ANP32A: variants seen among roughly 807,000 people sequenced by gnomAD.
ANP32A encodes acidic leucine-rich nuclear phosphoprotein 32 family member A.
A neutral mutation model predicts 33.9 loss-of-function variants in ANP32A; 1 was observed. The ratio of observed to expected loss-of-function variants is 0.03; its 90% CI spans 0.01 to 0.14. The LOEUF (loss-of-function observed/expected upper bound fraction) is 0.14. Among genes scored for constraint, ANP32A ranks in the 10% least tolerant of loss-of-function variants. The pLI, the probability that ANP32A is intolerant of heterozygous loss-of-function variation, is 1.00. For synonymous variants in ANP32A, 115 were observed against 120.5 expected, an observed-to-expected ratio of 0.95 and a Z score of 0.30; for missense variants, 155 against 306.0, an observed-to-expected ratio of 0.51 and a Z score of 3.68.
chr15:68,803,246 G>C (rs1323008143), intron 1 of ANP32A, among the ~76,000 whole-genome samples: 1 of 152,132 alleles, frequency 6.6e-6, no homozygotes, highest in East Asian at 1.9e-4. Context: ...AGGTAAAAAA[G>C]ATAATGCTTG....
chr15:68,805,979 T>C (rs938871320), intron 1 of ANP32A, among the ~76,000 whole-genome samples: 2 of 152,140 alleles, frequency 1.3e-5, no homozygotes, highest in Admixed American at 6.5e-5. Context: ...GTGTGTGGAA[T>C]GAATGAATGA....
intron 4 of ANP32A, among the ~76,000 whole-genome samples, chr15:68,783,764 A>T (rs1893898807): frequency 2.0e-5 from 3 of 152,100 alleles, no homozygotes. Context: ...TACACACCAC[A>T]CTGCCAGGGA....
intron 1 of ANP32A, among the ~76,000 whole-genome samples, chr15:68,817,184 C>CA (rs1894394024): frequency 1.3e-5 from 2 of 152,344 alleles, no homozygotes; most frequent in South Asian, 4.1e-4. Context: ...GCTCCTAAGT[C>CA]AACATCCGGA....
At chr15:68,805,293 G>T (rs778227773) in intron 1 of ANP32A, among the ~76,000 whole-genome samples, 9 of 152,226 alleles carry the variant, frequency 5.9e-5, no homozygotes, top group Non-Finnish European at 1.0e-4. Context: ...AAATTGGGCG[G>T]TGTCTCCGCC....
chr15:68,793,522 G>T (rs149804003), intron 1 of ANP32A, among the ~76,000 whole-genome samples: 1 of 152,110 alleles, frequency 6.6e-6, no homozygotes, highest in Non-Finnish European at 1.5e-5. Context: ...CAAGGTCGGG[G>T]TCCTTGCCAG....
intron 5 of ANP32A, among the ~76,000 whole-genome samples, chr15:68,781,867 G>A (rs1191372993): frequency 1.3e-5 from 2 of 152,206 alleles, no homozygotes; most frequent in Non-Finnish European, 2.9e-5. Flanking sequence ...GCCTCCCAAA[G>A]TGCTAGGATT....
chr15:68,787,170 G>T (rs148252785), intron 3 of ANP32A: 36 of 501,926 alleles, frequency 7.2e-5, no homozygotes, highest in Non-Finnish European at 1.0e-4. Flanking sequence ...TGAAACTAGG[G>T]TTCTACGCTA....
chr15:68,783,900 T>A (rs1003325106), intron 4 of ANP32A, among the ~76,000 whole-genome samples: 1 of 152,152 alleles, frequency 6.6e-6, no homozygotes, highest in East Asian at 1.9e-4. Context: ...CCTCTAGCTC[T>A]GGACCTCCTC....
At chr15:68,803,233 A>G (rs1894163120) in intron 1 of ANP32A, among the ~76,000 whole-genome samples, 1 of 152,154 alleles carries the variant, frequency 6.6e-6, no homozygotes. Flanking sequence ...GGGGTGTTTT[A>G]AAAGGTAAAA....
chr15:68,780,387 T>C lies in ANP32A; in HGVS notation c.688+23A>G, dbSNP rs755161409. 28 of 1,613,962 alleles carry C rather than the reference T, an allele frequency of 1.7e-5. No individual in the cohort carries two copies. Among genetic ancestry groups the C allele is most frequent in the African/African-American group, 2.7e-5 (2 of 75,032 alleles). On this transcript the variant is annotated intron_variant, in intron 6 of 6. Coordinates refer to ENST00000465139, the MANE Select transcript of ANP32A (RefSeq NM_006305.4). This position sits in a 1 kb window ranked among gnomAD's most constrained non-coding sequence, Gnocchi z 4.3. ...GTGAAAGGGCCAGGCTGCTACCAGC[T>C]GAGAGTAAAAAGGCTGCCATACCAC...
chr15:68,783,682 G>A (rs1893897697), intron 4 of ANP32A, among the ~76,000 whole-genome samples: 1 of 152,204 alleles, frequency 6.6e-6, no homozygotes, highest in African/African-American at 2.4e-5. Context: ...GCTGCACTGT[G>A]CTGGTGGCAA....
chr15:68,801,433 T>C (rs1468265751), intron 1 of ANP32A, among the ~76,000 whole-genome samples: 2 of 152,058 alleles, frequency 1.3e-5, no homozygotes, highest in Non-Finnish European at 2.9e-5. Flanking sequence ...CTGTGTGGCT[T>C]TGGACAAGAC....
chr15:68,783,340 G>A (rs1390355598), intron 4 of ANP32A, among the ~76,000 whole-genome samples: 1 of 152,038 alleles, frequency 6.6e-6, no homozygotes, highest in Non-Finnish European at 1.5e-5. Flanking sequence ...TCAGAGCACA[G>A]CAACAGGTTC....
At chr15:68,807,665 C>A (rs554636993) in intron 1 of ANP32A, among the ~76,000 whole-genome samples, 1 of 152,226 alleles carries the variant, frequency 6.6e-6, no homozygotes, top group East Asian at 1.9e-4. Context: ...ACAACCCATA[C>A]CTGGCATAAA....
chr15:68,807,427 C>CA (rs1555424018), intron 1 of ANP32A, among the ~76,000 whole-genome samples: 1 of 115,494 alleles, frequency 8.7e-6, no homozygotes, highest in Non-Finnish European at 1.8e-5. Context: ...CCACAGAAAA[C>CA]GGGGGGGGGG....
Position 68,784,492 on chromosome 15 carries a change from T to C in ANP32A, c.431A>G (p.Tyr144Cys). The C allele has an allele frequency of 6.2e-7, 1 of 1,614,090 alleles. No individual in the cohort carries two copies. The highest frequency in any genetic ancestry group is 8.5e-7 in the Non-Finnish European group (1 of 1,180,010). Reference sequence around the variant, plus strand: ...GTCGTCCCGGTCATAGCCGTCGAGATATGTGAGTTGCGGGAGGAGCTTGAA... The same window carrying C: ...GTCGTCCCGGTCATAGCCGTCGAGACATGTGAGTTGCGGGAGGAGCTTGAA... ...NVFKLLPQLTYLDGYDRDDKE... is the reference protein window; with the variant it reads ...NVFKLLPQLTCLDGYDRDDKE... Residue 144 changes from tyrosine (Y) to cysteine (C), a missense_variant, in exon 4 of 7, where the codon TAT (tyrosine) becomes TGT (cysteine). Tyr to Cys is a radical substitution (Grantham distance 194). Coordinates refer to ENST00000465139, the MANE Select transcript of ANP32A (RefSeq NM_006305.4).
chr15:68,785,608 C>G (rs1432229816), intron 3 of ANP32A, among the ~76,000 whole-genome samples: 1 of 152,164 alleles, frequency 6.6e-6, no homozygotes, highest in African/African-American at 2.4e-5. Flanking sequence ...GAAGTCTTGA[C>G]AGTGGTCTGT....
chr15:68,803,755 A>C (rs1360586389), intron 1 of ANP32A, among the ~76,000 whole-genome samples: 1 of 151,620 alleles, frequency 6.6e-6, no homozygotes, highest in Non-Finnish European at 1.5e-5. Flanking sequence ...AAATCATTAA[A>C]TCTCACACAT....
Position 68,780,286 on chromosome 15 carries a change from G to A in ANP32A, c.688+124C>T, listed in dbSNP as rs1893850683. On this transcript the variant is annotated intron_variant, in intron 6 of 6. Transcript: ENST00000465139. This position sits in a 1 kb window ranked among gnomAD's most constrained non-coding sequence, Gnocchi z 4.3. ...AGGCAAGACATCTGCACAGCTGGAA[G>A]GGGAATCTGAGGCCTCTGACAGGAG... The A allele has an allele frequency of 6.4e-7, 1 of 1,567,508 alleles. No homozygotes were observed. The highest frequency in any genetic ancestry group is 1.9e-5 in the Admixed American group (1 of 52,042).
Sources: allele counts gnomAD v4.1 joint callset (sites outside exome capture counted in the v4.1 genomes callset), GRCh38; gene constraint gnomAD v4.1.1; non-coding constraint Gnocchi (gnomAD v3.1); transcripts MANE v1.5; gene names NCBI Gene and HGNC (gene_info 2026-07-23, HGNC 2026-07-21).